The following OMA1 variants were observed in gnomAD, a reference collection of about 807,000 sequenced individuals.
OMA1 encodes the protein OMA1 zinc metallopeptidase.
A neutral mutation model predicts 30.9 loss-of-function variants in OMA1; 38 were observed. The ratio of observed to expected loss-of-function variants is 1.23; its 90% CI spans 0.95 to 1.61. OMA1 has a LOEUF of 1.61. Ranked by LOEUF, OMA1 falls within the 40% of genes most tolerant of loss-of-function variation. The probability of loss-of-function intolerance (pLI) is 0.00; values close to 1 mark genes in which losing one functional copy is unlikely to be tolerated. For missense variants in OMA1, 461 were observed against 349.2 expected, an observed-to-expected ratio of 1.32 and a Z score of -2.55; for synonymous variants, 173 against 121.9, an observed-to-expected ratio of 1.42 and a Z score of -2.76.
intron 1 of OMA1, among the ~76,000 whole-genome samples, chr1:58,545,039 G>A (rs774562353): frequency 6.6e-6 from 1 of 152,112 alleles, no homozygotes. Context: ...CTGGACTTTC[G>A]TTGGTTTTCC....
intron 7 of OMA1, among the ~76,000 whole-genome samples, chr1:58,517,198 C>A (rs1646170443): frequency 6.6e-6 from 1 of 152,186 alleles, no homozygotes; most frequent in African/African-American, 2.4e-5. Flanking sequence ...AGAGCTCAAA[C>A]ACACATCTGG....
At chr1:58,499,477 T>TATAGATAGATAGATAGATAG (rs60917151) in intron 8 of OMA1, among the ~76,000 whole-genome samples, 12,555 of 143,646 alleles carry the variant, frequency 0.087, 627 homozygotes, top group East Asian at 0.11. Flanking sequence ...AAAGCCAGAC[T>TATAGATAGATAGATAGATAG]ATAGATAGAT....
chr1:58,489,559 T>A (rs533142332), intron 8 of OMA1, among the ~76,000 whole-genome samples: 2 of 152,316 alleles, frequency 1.3e-5, no homozygotes, highest in East Asian at 3.9e-4. Flanking sequence ...CTCTGCAGAC[T>A]TAAATGTCCC....
intron 7 of OMA1, among the ~76,000 whole-genome samples, chr1:58,511,372 G>T (rs541553769): frequency 6.6e-6 from 1 of 152,278 alleles, no homozygotes; most frequent in East Asian, 1.9e-4. Flanking sequence ...GGGAGGCCAG[G>T]TATGGTGGTT....
intron 8 of OMA1, among the ~76,000 whole-genome samples, chr1:58,487,742 C>T (rs536489107): frequency 6.6e-6 from 1 of 152,246 alleles, no homozygotes; most frequent in East Asian, 1.9e-4. Flanking sequence ...TTCATTCTAG[C>T]TATAATTTCT....
At chr1:58,493,773 C>T in intron 8 of OMA1, among the ~76,000 whole-genome samples, 1 of 151,798 alleles carries the variant, frequency 6.6e-6, no homozygotes, top group Non-Finnish European at 1.5e-5. Flanking sequence ...AAAGAGGATA[C>T]AAACAAATGG....
rs1646558548 is a variant in OMA1, at chr1:58,538,789, T to C, written c.500+6A>G. 1 of 759,860 alleles carries C rather than the reference T, an allele frequency of 1.3e-6. No individual in the cohort carries two copies. The highest frequency in any genetic ancestry group is 1.8e-5 in the South Asian group (1 of 55,710). The allele number at this position is 759,860 out of a possible 1,614,324, so 47.1% of individuals were successfully genotyped here. On this transcript the variant is annotated splice_donor_region_variant and intron_variant, in intron 2 of 8. Transcript: ENST00000371226. Reference sequence around the variant, plus strand: ...TAAAAGTTTTTATTCTAAAAAAGCATTTTACCTGCCTACAATGATTGCAAA... The same window carrying C: ...TAAAAGTTTTTATTCTAAAAAAGCACTTTACCTGCCTACAATGATTGCAAA...
chr1:58,480,978 C>G lies in OMA1; in HGVS notation c.1562G>C (p.Arg521Thr). The change falls in exon 9 of 9, where the codon AGA becomes ACA. Residue 521 changes from arginine (R) to threonine (T), a missense_variant. Transcript: ENST00000371226. ...ATAAATTTTAATTCAACTGCCCGTT[C>G]TTTTCTCAACTATGTATGTTAATGG... ...QIPLTYIVEK[R>T]TGS 1 of 863,046 alleles carries G rather than the reference C, an allele frequency of 1.2e-6. No individual in the cohort carries two copies. The highest frequency in any genetic ancestry group is 2.0e-6 in the Non-Finnish European group (1 of 497,196). The allele number at this position is 863,046 out of a possible 1,614,324, so 53.5% of individuals were successfully genotyped here.
At chr1:58,539,561 A>T (rs965966541) in intron 1 of OMA1, among the ~76,000 whole-genome samples, 1 of 152,186 alleles carries the variant, frequency 6.6e-6, no homozygotes, top group Non-Finnish European at 1.5e-5. Flanking sequence ...TTTAATTTTT[A>T]GTTAGGGAAG....
Position 58,541,817 on chromosome 1 carries a change from T to C in OMA1, c.-16-2507A>G, listed in dbSNP as rs1646626360. 2.0e-5 allele frequency among the ~76,000 whole-genome samples: 3 copies of C among 152,118 alleles called. No individual in the cohort carries two copies. The South Asian group carries it at 6.2e-4, about 32-fold the overall frequency. On this transcript the variant is annotated intron_variant, in intron 1 of 8. Coordinates refer to ENST00000371226, the MANE Select transcript of OMA1 (RefSeq NM_145243.5). Reference sequence around the variant, plus strand: ...ATGATAAATAAAACTCACTTTCAAATTGTACAGCAAAGGTACACACACAAA... The same window carrying C: ...ATGATAAATAAAACTCACTTTCAAACTGTACAGCAAAGGTACACACACAAA...
rs751736081 is a variant in OMA1, at chr1:58,539,115, C to T, written c.180G>A (p.Arg60=). Residue 60 remains arginine, a synonymous_variant, in exon 2 of 9, where the codon AGG becomes AGA. Transcript: ENST00000371226. ...GAAAGTTTCCAGGCAGAAAACTCCA[C>T]CTGTCACACTGATTTACTCCCAGTC... The part of the protein sequence containing the change: ...YQGLGVNQCD[R]WSFLPGNFHF... The T allele has an allele frequency of 1.1e-6, 1 of 872,944 alleles. No individual in the cohort carries two copies. The highest frequency in any genetic ancestry group is 2.0e-6 in the Non-Finnish European group (1 of 501,640). The allele number at this position is 872,944 out of a possible 1,614,324, so 54.1% of individuals were successfully genotyped here.
At chr1:58,499,746 G>T (rs1645871989) in intron 8 of OMA1, among the ~76,000 whole-genome samples, 1 of 151,774 alleles carries the variant, frequency 6.6e-6, no homozygotes, top group Non-Finnish European at 1.5e-5. Context: ...GAAACATCAT[G>T]CTGGACTCCA....
Position 58,518,349 on chromosome 1 carries a change from A to AGAAGGGAAGG in OMA1, c.1215+8902_1215+8911dup, listed in dbSNP as rs757786615. On this transcript the variant is annotated intron_variant, in intron 7 of 8. Transcript: ENST00000371226. ...AGAAGAGAAGAGAAGAGAAGAGAAG[A>AGAAGGGAAGG]GAAGGGAAGGGAAGAGAAGAGAAGG... Among the ~76,000 whole-genome samples the AGAAGGGAAGG allele has an allele frequency of 2.3e-3, 138 of 59,728 alleles. 6 individuals are homozygous for AGAAGGGAAGG. The highest frequency in any genetic ancestry group is 8.4e-3 in the African/African-American group (129 of 15,404). The allele number at this position is 59,728 out of a possible 152,430, so 39.2% of individuals were successfully genotyped here.
intron 8 of OMA1, among the ~76,000 whole-genome samples, chr1:58,490,273 G>A (rs1333996449): frequency 2.6e-5 from 4 of 152,186 alleles, no homozygotes; most frequent in Non-Finnish European, 5.9e-5. Flanking sequence ...GAAAACCATG[G>A]CACAAGAACT....
intron 5 of OMA1, 70 bp downstream of exon 5, chr1:58,533,883 C>A (rs776501655): frequency 1.5e-5 from 12 of 812,686 alleles, no homozygotes; most frequent in Non-Finnish European, 2.4e-5. Context: ...AAAATCAGTT[C>A]TTTAAAAGAT....
intron 7 of OMA1, among the ~76,000 whole-genome samples, chr1:58,520,438 A>G (rs1313175458): frequency 6.6e-6 from 1 of 152,222 alleles, no homozygotes; most frequent in African/African-American, 2.4e-5. Flanking sequence ...ACAAAGGAAT[A>G]TAAATGAAGT....
intron 7 of OMA1, among the ~76,000 whole-genome samples, chr1:58,507,658 T>C (rs1646010313): frequency 6.6e-6 from 1 of 152,016 alleles, no homozygotes; most frequent in African/African-American, 2.4e-5. Context: ...TTTATACACA[T>C]ATAAATACAT....
intron 8 of OMA1, among the ~76,000 whole-genome samples, chr1:58,502,907 G>T (rs1645928716): frequency 6.6e-6 from 1 of 152,108 alleles, no homozygotes; most frequent in South Asian, 2.1e-4. Context: ...TCTGAACTAG[G>T]ATAGTTTATT....
intron 8 of OMA1, among the ~76,000 whole-genome samples, chr1:58,491,720 C>T (rs999465080): frequency 6.6e-6 from 1 of 152,128 alleles, no homozygotes; most frequent in Non-Finnish European, 1.5e-5. Context: ...GCTAACTATC[C>T]TAAATATATA....
Sources: gnomAD v4.1 joint callset for allele counts (sites outside exome capture counted in the v4.1 genomes callset) on GRCh38, gnomAD v4.1.1 for gene constraint, MANE v1.5 for transcripts, NCBI Gene and HGNC (gene_info 2026-07-23, HGNC 2026-07-21) for gene names.